Variants in LEMD2 observed in about 807,000 individuals in gnomAD.
The protein encoded by LEMD2 is LEM domain-containing protein 2.
A neutral mutation model predicts 58.8 loss-of-function variants in LEMD2; 34 were observed. The ratio of observed to expected loss-of-function variants is 0.58; its 90% CI spans 0.44 to 0.77. The LOEUF (loss-of-function observed/expected upper bound fraction) is 0.77. Among genes scored for constraint, LEMD2 ranks in the 30% least tolerant of loss-of-function variants. The pLI is 0.00. For missense variants in LEMD2, 629 were observed against 717.9 expected (o/e 0.88, Z 1.42); for synonymous variants, 298 against 308.9 (o/e 0.96, Z 0.37).
chr6:33,777,464 C>T (rs545856639), intron 6 of LEMD2, among the ~76,000 whole-genome samples: 6 of 152,356 alleles, frequency 3.9e-5, no homozygotes, highest in East Asian at 3.9e-4. Context: ...GTCACCACAG[C>T]GGCATCCCCA....
rs1767746362 is a variant in LEMD2, at chr6:33,788,718, G to A, written c.399C>T (p.Ala133=). The change falls in exon 1 of 9, where the codon GCC becomes GCT. Residue 133 remains alanine, a synonymous_variant. Transcript: ENST00000293760. ...CCTCCTCGGAGCTGCCCCGGACCGA[G>A]GCGCGGCGCCTGAGTTGCGCCGGGC... The part of the protein sequence containing the change: ...PARPAQLRRR[A]SVRGSSEEDE... The A allele has an allele frequency of 3.5e-6, 5 of 1,424,128 alleles. No homozygotes were observed. Among genetic ancestry groups the A allele is most frequent in the East Asian group, 6.1e-5 (2 of 32,764 alleles). The allele number at this position is 1,424,128 out of a possible 1,614,324, so 88.2% of individuals were successfully genotyped here. A position where few individuals can be genotyped will look rare whatever the true frequency, so the allele number is the denominator to read the frequency against.
At position 33,789,062 on chromosome 6, in the gene LEMD2, G is replaced by T; in HGVS notation, c.55C>A (p.Gln19Lys). 1 of 1,550,292 alleles carries T rather than the reference G, an allele frequency of 6.5e-7. No homozygotes were observed. Residue 19 changes from glutamine to lysine, a missense_variant, in exon 1 of 9, where the codon CAG (glutamine) becomes AAG (lysine). Physicochemically the swap from Gln to Lys is moderately conservative, Grantham distance 53. This residue lies in a region of LEMD2 where 386 missense variants were observed against 381.1 expected (regional missense o/e 1.01). Coordinates refer to ENST00000293760, the MANE Select transcript of LEMD2 (RefSeq NM_181336.4). ...GTGGTGTCGGTGATGGGTCCTGGCT[G>T]GAAGCCCAGGGCCTGCAGCTCCCGC... ...LRRELQALGF[Q>K]PGPITDTTRD... is the part of the protein sequence containing the mutation.
Position 33,777,017 on chromosome 6 carries a change from A to G in LEMD2, c.1298T>C (p.Met433Thr). The change falls in exon 8 of 9, where the codon ATG becomes ACG. Residue 433 changes from methionine (M) to threonine (T), a missense_variant. By Grantham distance (81) the Met-to-Thr change is moderately conservative. Transcript: ENST00000293760. ...QDHYVDWEQDMERYPYVGILH... is the reference protein window; with the variant it reads ...QDHYVDWEQDTERYPYVGILH... ...GATGCCTACATATGGATAGCGCTCC[A>G]TGTCCTGCTCCCAGTCCACGTAATG... is the stretch of plus-strand genomic sequence containing the variant. 6.2e-7 allele frequency: 1 copy of G among 1,614,202 alleles called. No individual in the cohort carries two copies.
chr6:33,775,259 C>T (rs1371153551), intron 8 of LEMD2, among the ~76,000 whole-genome samples: 1 of 152,242 alleles, frequency 6.6e-6, no homozygotes, highest in East Asian at 1.9e-4. Flanking sequence ...TGCCTGCCAC[C>T]TTTCCAGGGG....
intron 3 of LEMD2, chr6:33,782,324 G>A (rs1767583978): frequency 6.6e-6 from 1 of 152,322 alleles, no homozygotes; most frequent in Admixed American, 6.5e-5. Flanking sequence ...CCTGGCACCT[G>A]GCTCTCAGCA....
chr6:33,779,526 C>T (rs539307031), intron 5 of LEMD2: 1 of 152,402 alleles, frequency 6.6e-6, no homozygotes, highest in South Asian at 2.1e-4. Flanking sequence ...TCAAGGCTGC[C>T]TGGCTGTTGG....
chr6:33,784,428 C>A lies in LEMD2; in HGVS notation c.778-1G>T, dbSNP rs560022914. ...CTGCCTTCTGCTTGGCCTGACAGAACTGGAAAGGCACGGGACAAGTGGTCA... is the reference window on the plus strand; with the variant it reads ...CTGCCTTCTGCTTGGCCTGACAGAAATGGAAAGGCACGGGACAAGTGGTCA... On this transcript the variant is annotated splice_acceptor_variant, in intron 2 of 8. Coordinates refer to ENST00000293760, the MANE Select transcript of LEMD2 (RefSeq NM_181336.4). LOFTEE classifies it high-confidence loss of function. The A allele has an allele frequency of 1.5e-5, 19 of 1,287,786 alleles. No homozygotes were observed. The highest frequency in any genetic ancestry group is 1.9e-5 in the African/African-American group (1 of 53,454). 79.8% of individuals were successfully genotyped at this position (1,287,786 alleles called of 1,614,324 possible). A position where few individuals can be genotyped will look rare whatever the true frequency, so the allele number is the denominator to read the frequency against.
rs768745060 is a variant in LEMD2 at position 33,789,129 on chromosome 6, G to GC, written c.-14dup. 7.4e-6 allele frequency: 11 copies of GC among 1,488,964 alleles called. No homozygotes were observed. The East Asian group carries it at 1.1e-4, about 15-fold the overall frequency. 92.2% of individuals were successfully genotyped at this position (1,488,964 alleles called of 1,614,324 possible). A position where few individuals can be genotyped will look rare whatever the true frequency, so the allele number is the denominator to read the frequency against. ...ACAGGCCGGCCATGGCCAGGACGCC[G>GC]CCCCCCGCCCGCCCCTGGCGCGCAC... On this transcript the variant is annotated 5_prime_UTR_variant, in exon 1 of 9. Coordinates refer to ENST00000293760, the MANE Select transcript of LEMD2 (RefSeq NM_181336.4).
intron 1 of LEMD2, 29 bp downstream of exon 1, chr6:33,788,352 G>GCCCTCCCCTGCGCCGGCCCAGGA: frequency 2.0e-6 from 3 of 1,524,060 alleles, no homozygotes; most frequent in Non-Finnish European, 2.6e-6. Flanking sequence ...CGCGCCCAGG[G>GCCCTCCCCTGCGCCGGCCCAGGA]CCCTCCCCTG....
In LEMD2 at chr6:33,788,545, C is replaced by T. The variant is rs565234777; in HGVS notation, c.572G>A (p.Gly191Asp). 185 of 1,460,810 alleles carry T rather than the reference C, an allele frequency of 1.3e-4. No individual in the cohort carries two copies. In the South Asian group the frequency reaches 2.1e-3, roughly 17 times the overall value. 90.5% of individuals were successfully genotyped at this position (1,460,810 alleles called of 1,614,324 possible). Residue 191 changes from glycine to aspartate, a missense_variant, in exon 1 of 9, where the codon GGC becomes GAC. Transcript: ENST00000293760. ...CCGGGCCCTCGCCGCGCCAGCAGGG[C>T]CCGCTCGAGTCGCCCGCAGGCCCGG... is the stretch of plus-strand genomic sequence containing the variant. Reference protein sequence around the residue: ...PRPGLRATRAGPAGAARARPE... With the variant: ...PRPGLRATRADPAGAARARPE...
Position 33,788,623 on chromosome 6 carries a change from G to A in LEMD2, c.494C>T (p.Ala165Val). The A allele has an allele frequency of 7.9e-7, 1 of 1,273,226 alleles. No individual in the cohort carries two copies. The highest frequency in any genetic ancestry group is 9.9e-7 in the Non-Finnish European group (1 of 1,014,010). 78.9% of individuals were successfully genotyped at this position (1,273,226 alleles called of 1,614,324 possible). A position where few individuals can be genotyped will look rare whatever the true frequency, so the allele number is the denominator to read the frequency against. ...AGGCAGCCGCGCCGGGGCGGGAGAC[G>A]CTGCCCACCAGCGGCGGGCCGCGAG... is the stretch of plus-strand genomic sequence containing the variant. ...PGLAARRWWAASPAPARLPSS... is the reference protein window; with the variant it reads ...PGLAARRWWAVSPAPARLPSS... Residue 165 changes from alanine (A) to valine (V), a missense_variant, in exon 1 of 9, where the codon GCG (alanine) becomes GTG (valine). Coordinates refer to ENST00000293760, the MANE Select transcript of LEMD2 (RefSeq NM_181336.4).
intron 3 of LEMD2, 94 bp downstream of exon 3, chr6:33,784,258 G>A (rs1396387605): frequency 2.6e-5 from 26 of 982,212 alleles, no homozygotes; most frequent in East Asian, 4.8e-5. Flanking sequence ...GGAGTGTCTC[G>A]CTGGCCAGCA....
In LEMD2 at chr6:33,786,492, T is replaced by G. The variant is rs536281674; in HGVS notation, c.777+242A>C. ...CAGATCAAAGTCCCCGATGCTACAT[T>G]TGATGGGAAAGTGTCCATAACAAGC... On this transcript the variant is annotated intron_variant, in intron 2 of 8. Coordinates refer to ENST00000293760, the MANE Select transcript of LEMD2 (RefSeq NM_181336.4). Among the ~76,000 whole-genome samples the G allele has an allele frequency of 5.3e-5, 8 of 152,266 alleles. No homozygotes were observed. In the East Asian group the frequency reaches 1.4e-3, roughly 26 times the overall value.
chr6:33,784,607 G>A, intron 2 of LEMD2, 180 bp from the exon 3 acceptor site: 1 of 564,524 alleles, frequency 1.8e-6, no homozygotes, highest in East Asian at 2.9e-5. Flanking sequence ...GATAAATATT[G>A]GGTTAACTGC....
chr6:33,773,594 C>CGGGG (rs10660361), intron 8 of LEMD2, among the ~76,000 whole-genome samples: 48 of 139,464 alleles, frequency 3.4e-4, no homozygotes, highest in South Asian at 1.2e-3. Flanking sequence ...AGTCAGGAGG[C>CGGGG]GGGGGGGGGG....
In LEMD2 at chr6:33,784,349, C is replaced by T. The variant is rs1767627457; in HGVS notation, c.853+3G>A. 1 of 1,612,400 alleles carries T rather than the reference C, an allele frequency of 6.2e-7. No individual in the cohort carries two copies. The highest frequency in any genetic ancestry group is 8.5e-7 in the Non-Finnish European group (1 of 1,178,718). On this transcript the variant is annotated splice_donor_region_variant and intron_variant, in intron 3 of 8. Coordinates refer to ENST00000293760, the MANE Select transcript of LEMD2 (RefSeq NM_181336.4). ...AATCTCAGGACTTACGTGACTTACT[C>T]ACCAGCTTGGATGGCCAGGAAATTG...
Position 33,772,618 on chromosome 6 carries a change from C to T in LEMD2, c.*10G>A, listed in dbSNP as rs780706124. On this transcript the variant is annotated 3_prime_UTR_variant, in exon 9 of 9. Coordinates refer to ENST00000293760, the MANE Select transcript of LEMD2 (RefSeq NM_181336.4). ...GACAGGCTGACCGGGAACAAGTCCC[C>T]GCCCGGGGCTTATCGCTCTGAGTCA... 14 of 1,610,902 alleles carry T rather than the reference C, an allele frequency of 8.7e-6. No homozygotes were observed. The Admixed American group carries it at 1.0e-4, about 12-fold the overall frequency.
At chr6:33,783,906 A>T (rs562568892) in intron 3 of LEMD2, among the ~76,000 whole-genome samples, 1 of 152,188 alleles carries the variant, frequency 6.6e-6, no homozygotes, top group African/African-American at 2.4e-5. Context: ...AGGGCCCACT[A>T]CACAGACTAT....
Position 33,772,590 on chromosome 6 carries a change from T to A in LEMD2, c.*38A>T. 2 of 1,597,276 alleles carry A rather than the reference T, an allele frequency of 1.3e-6. No individual in the cohort carries two copies. The highest frequency in any genetic ancestry group is 1.7e-6 in the Non-Finnish European group (2 of 1,170,814). ...CCTGTGCCTCTGGAGTGGGCTGTCC[T>A]GGGACAGGCTGACCGGGAACAAGTC... On this transcript the variant is annotated 3_prime_UTR_variant, in exon 9 of 9. Transcript: ENST00000293760.
Sources: gnomAD v4.1 joint callset for allele counts (sites outside exome capture counted in the v4.1 genomes callset) on GRCh38, gnomAD v4.1.1 for gene constraint, gnomAD v4.1.1 regional missense constraint, MANE v1.5 for transcripts, NCBI Gene and HGNC (gene_info 2026-07-23, HGNC 2026-07-21) for gene names.